The following LARP1B variants were observed in gnomAD, a reference collection of about 807,000 sequenced individuals.
LARP1B encodes La ribonucleoprotein 1B, also known as la-related protein 1B.
A neutral mutation model predicts 114.2 loss-of-function variants in LARP1B; 76 were observed. That is an observed-to-expected ratio of 0.67 (90% CI 0.55 to 0.81). LARP1B has a LOEUF of 0.81. Among genes scored for constraint, LARP1B ranks in the 30% least tolerant of loss-of-function variants. The probability of loss-of-function intolerance (pLI) is 0.00; values close to 1 mark genes in which losing one functional copy is unlikely to be tolerated. For missense variants in LARP1B, 1,014 were observed against 1,075.8 expected, an observed-to-expected ratio of 0.94 and a Z score of 0.80; for synonymous variants, 345 against 348.0, an observed-to-expected ratio of 0.99 and a Z score of 0.10.
rs1474754868 is a variant in LARP1B, at chr4:128,211,134, A to T, written c.*1081A>T. On this transcript the variant is annotated 3_prime_UTR_variant, in exon 20 of 20. Transcript: ENST00000326639. ...TAAAAAAATAAAGCACTTATTCTGA[A>T]TTTTTTGAATTGATTTTTAATTATT... 1 of 903,856 alleles carries T rather than the reference A, an allele frequency of 1.1e-6. No homozygotes were observed. Among genetic ancestry groups the T allele is most frequent in the Non-Finnish European group, 1.3e-6 (1 of 756,016 alleles). The allele number at this position is 903,856 out of a possible 1,614,324, so 56.0% of individuals were successfully genotyped here.
intron 9 of LARP1B, chr4:128,108,844 G>T: frequency 1.0e-6 from 1 of 980,766 alleles, no homozygotes. Flanking sequence ...CAGTCAAGTT[G>T]GTAATGCCTG....
At chr4:128,197,637 T>C (rs1754638107) in intron 15 of LARP1B, among the ~76,000 whole-genome samples, 1 of 151,752 alleles carries the variant, frequency 6.6e-6, no homozygotes, top group African/African-American at 2.4e-5. Flanking sequence ...GAGGTTGCAG[T>C]GAGCCGAGAT....
At chr4:128,198,911 GA>G (rs1755089458) in intron 15 of LARP1B, among the ~76,000 whole-genome samples, 1 of 152,292 alleles carries the variant, frequency 6.6e-6, no homozygotes, top group Middle Eastern at 3.4e-3. Flanking sequence ...GGAAAAGACA[GA>G]TTTAGGAGAT....
chr4:128,131,419 CTGTG>C (rs554841658), intron 11 of LARP1B, among the ~76,000 whole-genome samples: 1 of 152,152 alleles, frequency 6.6e-6, no homozygotes, highest in Non-Finnish European at 1.5e-5. Flanking sequence ...TTTTACCAGT[CTGTG>C]TGTGTTGAAA....
chr4:128,213,903 C>G (rs1205687376), downstream of LARP1B, among the ~76,000 whole-genome samples: 1 of 151,922 alleles, frequency 6.6e-6, no homozygotes, highest in African/African-American at 2.4e-5. Context: ...GGGTTCATCT[C>G]ACTAGGGAGT....
chr4:128,061,689 G>A (rs1177195171), intron 1 of LARP1B: 3 of 984,836 alleles, frequency 3.0e-6, no homozygotes, highest in Admixed American at 1.2e-4. Context: ...TGGGGCAGAG[G>A]GACGATGTCT....
chr4:128,063,427 C>CAAAAA (rs763868048), intron 1 of LARP1B, among the ~76,000 whole-genome samples: 11 of 13,216 alleles, frequency 8.3e-4, no homozygotes, highest in African/African-American at 2.0e-3. Context: ...GACCCACTCT[C>CAAAAA]AAAAAAAAAA....
Position 128,091,002 on chromosome 4 carries a change from T to C in LARP1B, c.360T>C (p.Ser120=), listed in dbSNP as rs1281642379. Residue 120 remains serine, a splice_region_variant and synonymous_variant, in exon 6 of 20, where the codon AGT becomes AGC. Transcript: ENST00000326639. ...TAAAAATATTTTTATTTTTAAAAGGTTGGAAGCGAGATAGAGAAAAAAGGG... is the reference window on the plus strand; with the variant it reads ...TAAAAATATTTTTATTTTTAAAAGGCTGGAAGCGAGATAGAGAAAAAAGGG... ...THNNRRNDTR[S]WKRDREKRDD... 2 of 1,599,846 alleles carry C rather than the reference T, an allele frequency of 1.3e-6. No homozygotes were observed. Among genetic ancestry groups the C allele is most frequent in the East Asian group, 4.5e-5 (2 of 44,758 alleles).
intron 15 of LARP1B, among the ~76,000 whole-genome samples, chr4:128,191,223 T>C (rs550181680): frequency 6.6e-6 from 1 of 152,306 alleles, no homozygotes; most frequent in East Asian, 1.9e-4. Context: ...ATTTTGTTCT[T>C]GATCTGAGAC....
intron 11 of LARP1B, chr4:128,123,438 A>G (rs1788620644): frequency 1.1e-6 from 1 of 909,980 alleles, no homozygotes; most frequent in Non-Finnish European, 1.3e-6. Context: ...TTCTACTAAT[A>G]ATCAGTTAAA....
At chr4:128,148,489 TATAAA>T (rs1170887620) in intron 11 of LARP1B, among the ~76,000 whole-genome samples, 3 of 152,146 alleles carry the variant, frequency 2.0e-5, no homozygotes, top group Non-Finnish European at 4.4e-5. Context: ...GGATCATATT[TATAAA>T]ATAAAGTATT....
Position 128,211,508 on chromosome 4 carries a change from T to C in LARP1B, c.*1455T>C, listed in dbSNP as rs1191292464. ...AATATTTACTATTTGGAGGGTCATT[T>C]TGATGCTTTAAATTGCAGAAATAGT... On this transcript the variant is annotated 3_prime_UTR_variant, in exon 20 of 20. Coordinates refer to ENST00000326639, the MANE Select transcript of LARP1B (RefSeq NM_018078.4). 2 of 904,286 alleles carry C rather than the reference T, an allele frequency of 2.2e-6. No individual in the cohort carries two copies. Among genetic ancestry groups the C allele is most frequent in the Non-Finnish European group, 1.3e-6 (1 of 756,222 alleles). The allele number at this position is 904,286 out of a possible 1,614,324, so 56.0% of individuals were successfully genotyped here. A position where few individuals can be genotyped will look rare whatever the true frequency, so the allele number is the denominator to read the frequency against.
chr4:128,152,549 A>C (rs1308909671), intron 11 of LARP1B, among the ~76,000 whole-genome samples: 4 of 151,066 alleles, frequency 2.6e-5, no homozygotes, highest in Non-Finnish European at 5.9e-5. Context: ...TTTTAGGTTA[A>C]TGTTTTTTAT....
intron 9 of LARP1B, chr4:128,108,552 T>G (rs1400941797): frequency 1.0e-6 from 1 of 985,570 alleles, no homozygotes; most frequent in East Asian, 1.1e-4. Context: ...CTCACACTAT[T>G]TTTATCATAT....
Position 128,123,093 on chromosome 4 carries a change from C to G in LARP1B, c.1524+905C>G, listed in dbSNP as rs985209591. The G allele has an allele frequency of 3.0e-6, 3 of 985,264 alleles. No individual in the cohort carries two copies. The African/African-American group carries it at 5.2e-5, about 17-fold the overall frequency. 61.0% of individuals were successfully genotyped at this position (985,264 alleles called of 1,614,324 possible). A position where few individuals can be genotyped will look rare whatever the true frequency, so the allele number is the denominator to read the frequency against. On this transcript the variant is annotated intron_variant, in intron 11 of 19. Coordinates refer to ENST00000326639, the MANE Select transcript of LARP1B (RefSeq NM_018078.4). ...CCAATTAGTGGCTGAGTAGAGGGGACTGCCTGTCGGTGGGGCTTCATATCA... is the reference window on the plus strand; with the variant it reads ...CCAATTAGTGGCTGAGTAGAGGGGAGTGCCTGTCGGTGGGGCTTCATATCA...
intron 1 of LARP1B, chr4:128,062,113 G>A (rs1222022053): frequency 3.0e-6 from 3 of 985,284 alleles, no homozygotes; most frequent in African/African-American, 3.5e-5. Flanking sequence ...AGCGGCAGCC[G>A]CCGCTGCTGC....
intron 11 of LARP1B, among the ~76,000 whole-genome samples, chr4:128,143,783 A>G (rs1179382840): frequency 1.5e-5 from 1 of 67,742 alleles, no homozygotes; most frequent in African/African-American, 4.1e-5. Context: ...AACATAGATA[A>G]GTTAAGGCAC....
chr4:128,062,231 C>T (rs1760421322), intron 1 of LARP1B: 1 of 985,476 alleles, frequency 1.0e-6, no homozygotes, highest in Non-Finnish European at 1.2e-6. Context: ...TCTGTGGTTG[C>T]TCTGCGTTGG....
intron 7 of LARP1B, among the ~76,000 whole-genome samples, chr4:128,095,699 G>A (rs906524282): frequency 1.3e-5 from 2 of 151,580 alleles, no homozygotes; most frequent in African/African-American, 4.9e-5. Context: ...CAAGTTTCCA[G>A]TTATAGATGC....
Sources: gnomAD v4.1 joint callset for allele counts (sites outside exome capture counted in the v4.1 genomes callset) on GRCh38, gnomAD v4.1.1 for gene constraint, MANE v1.5 for transcripts, NCBI Gene and HGNC (gene_info 2026-07-23, HGNC 2026-07-21) for gene names.